BACE1: variants seen among roughly 807,000 people sequenced by gnomAD.
The protein encoded by BACE1 is APP beta-secretase.
A neutral mutation model predicts 54.0 loss-of-function variants in BACE1; 21 were observed. The ratio of observed to expected loss-of-function variants is 0.39; its 90% CI spans 0.28 to 0.56. The LOEUF (loss-of-function observed/expected upper bound fraction) is 0.56. BACE1 is among the 20% of genes least tolerant of loss of function. The pLI is 0.63. For missense variants in BACE1, 511 were observed against 661.2 expected (o/e 0.77, Z 2.49); for synonymous variants, 232 against 260.9 (o/e 0.89, Z 1.07).
intron 1 of BACE1, among the ~76,000 whole-genome samples, chr11:117,300,461 G>T (rs898535762): frequency 6.6e-6 from 1 of 152,232 alleles, no homozygotes; most frequent in East Asian, 1.9e-4. Context: ...CAAGCGGGGG[G>T]ATGGGGGGGG....
intron 1 of BACE1, among the ~76,000 whole-genome samples, chr11:117,304,129 G>A (rs2034781552): frequency 6.6e-6 from 1 of 152,204 alleles, no homozygotes; most frequent in African/African-American, 2.4e-5. Context: ...GACTGGCTGT[G>A]GGCAACAGGA....
At chr11:117,306,723 A>T (rs2134485019) in intron 1 of BACE1, among the ~76,000 whole-genome samples, 1 of 152,180 alleles carries the variant, frequency 6.6e-6, no homozygotes, top group East Asian at 1.9e-4. Context: ...ACGCTGGAGA[A>T]TTGCTTGAAC....
intron 1 of BACE1, among the ~76,000 whole-genome samples, chr11:117,311,831 G>A (rs1033393449): frequency 6.6e-6 from 1 of 151,958 alleles, no homozygotes; most frequent in African/African-American, 2.4e-5. Context: ...AGTAGAGACG[G>A]GGTTTCACCA....
chr11:117,300,244 GCT>G (rs1205411954), intron 1 of BACE1, among the ~76,000 whole-genome samples: 4 of 151,966 alleles, frequency 2.6e-5, no homozygotes. Context: ...GGTCCCCACT[GCT>G]CTCTGCCTCC....
At chr11:117,311,366 C>A (rs2034939660) in intron 1 of BACE1, among the ~76,000 whole-genome samples, 1 of 152,142 alleles carries the variant, frequency 6.6e-6, no homozygotes, top group Admixed American at 6.6e-5. Flanking sequence ...GTACTATAAG[C>A]CATCCCCTCC....
chr11:117,307,513 C>T (rs1168890002), intron 1 of BACE1, among the ~76,000 whole-genome samples: 4 of 152,126 alleles, frequency 2.6e-5, no homozygotes, highest in Non-Finnish European at 5.9e-5. Flanking sequence ...GGTTTCACCA[C>T]GTTGGCCATG....
intron 1 of BACE1, among the ~76,000 whole-genome samples, chr11:117,300,144 C>T (rs539955906): frequency 1.2e-4 from 19 of 152,132 alleles, no homozygotes; most frequent in Non-Finnish European, 2.6e-4. Flanking sequence ...GCCTTTCCCC[C>T]TGCCACCCCA....
chr11:117,304,139 A>T (rs991147442), intron 1 of BACE1, among the ~76,000 whole-genome samples: 1 of 152,224 alleles, frequency 6.6e-6, no homozygotes, highest in Admixed American at 6.5e-5. Flanking sequence ...GGGCAACAGG[A>T]TATCAGCAAA....
intron 1 of BACE1, chr11:117,314,752 G>A (rs753386908): frequency 1.3e-5 from 2 of 152,408 alleles, no homozygotes; most frequent in African/African-American, 2.4e-5. Flanking sequence ...TGTCAGGAAG[G>A]ATGGGGAGGG....
At chr11:117,291,679 C>T (rs2034442257) in intron 6 of BACE1, 33 bp downstream of exon 6, 1 of 1,479,962 alleles carries the variant, frequency 6.8e-7, no homozygotes, top group Non-Finnish European at 9.4e-7. Context: ...GACACTGTAC[C>T]ATCTCTTTTA....
At chr11:117,296,696 C>T (rs1176490313) in intron 2 of BACE1, among the ~76,000 whole-genome samples, 177 bp downstream of exon 2, 3 of 152,120 alleles carry the variant, frequency 2.0e-5, no homozygotes, top group Non-Finnish European at 2.9e-5. Flanking sequence ...GGTATAGCTC[C>T]TCTCACCACC....
intron 5 of BACE1, 145 bp downstream of exon 5, chr11:117,292,909 C>G (rs1385300682): frequency 1.3e-5 from 12 of 956,996 alleles, no homozygotes; most frequent in Non-Finnish European, 1.9e-5. Context: ...ACCATTAAGC[C>G]CCTGACTGTT....
intron 1 of BACE1, chr11:117,299,526 T>TCC: frequency 3.5e-6 from 1 of 289,056 alleles, no homozygotes; most frequent in South Asian, 2.7e-5. Context: ...CCTCCTGGCC[T>TCC]CCTCACATCC....
chr11:117,309,965 G>A (rs1352618514), intron 1 of BACE1, among the ~76,000 whole-genome samples: 4 of 151,658 alleles, frequency 2.6e-5, no homozygotes, highest in Non-Finnish European at 2.9e-5. Context: ...CTGGAGTGCA[G>A]TGGCGCAATC....
At chr11:117,304,596 C>G (rs2034790920) in intron 1 of BACE1, among the ~76,000 whole-genome samples, 1 of 152,226 alleles carries the variant, frequency 6.6e-6, no homozygotes, top group Admixed American at 6.5e-5. Context: ...GATGATCTCT[C>G]ACTTGTGCAT....
rs569648185 is a variant in BACE1 at position 117,290,485 on chromosome 11, C to T, written c.1264+3G>A. On this transcript the variant is annotated splice_donor_region_variant and intron_variant, in intron 8 of 8. Transcript: ENST00000313005. Reference sequence around the variant, plus strand: ...CCCAAACCCTCAGCCCTGGCACTCTCACCATGGCAAGCGCTGACAGCAAAG... The same window carrying T: ...CCCAAACCCTCAGCCCTGGCACTCTTACCATGGCAAGCGCTGACAGCAAAG... The T allele has an allele frequency of 5.0e-6, 8 of 1,613,752 alleles. No individual in the cohort carries two copies. The highest frequency in any genetic ancestry group is 1.3e-5 in the African/African-American group (1 of 74,920).
intron 3 of BACE1, among the ~76,000 whole-genome samples, chr11:117,294,613 G>A (rs1489016745): frequency 6.6e-6 from 1 of 151,858 alleles, no homozygotes; most frequent in Admixed American, 6.6e-5. Context: ...GCTGGTCGCG[G>A]TGGTTCATGC....
At chr11:117,290,396 C>T in intron 8 of BACE1, 92 bp downstream of exon 8, 3 of 1,494,288 alleles carry the variant, frequency 2.0e-6, no homozygotes, top group Non-Finnish European at 2.7e-6. Context: ...CTACCCTCCC[C>T]TAAACTGACA....
chr11:117,305,069 G>A (rs945412792), intron 1 of BACE1, among the ~76,000 whole-genome samples: 3 of 150,866 alleles, frequency 2.0e-5, no homozygotes, highest in Non-Finnish European at 3.0e-5. Context: ...TGGGATTACA[G>A]GCACCCGCCA....
Sources: allele counts gnomAD v4.1 joint callset (sites outside exome capture counted in the v4.1 genomes callset), GRCh38; gene constraint gnomAD v4.1.1; transcripts MANE v1.5; gene names NCBI Gene and HGNC (gene_info 2026-07-23, HGNC 2026-07-21).